The following FCRL3 variants were observed in gnomAD, a reference collection of about 807,000 sequenced individuals.
FCRL3 encodes Fc receptor-like protein 3.
FCRL3 carries 89 observed loss-of-function variants against 75.0 expected under a neutral mutation model. The observed-to-expected ratio is 1.19, with a 90% CI of 1.00 to 1.42. The LOEUF is 1.42. Among genes scored for constraint, FCRL3 ranks in the 40% most tolerant of loss-of-function variants. The pLI, the probability that FCRL3 is intolerant of heterozygous loss-of-function variation, is 0.00. For synonymous variants in FCRL3, 376 were observed against 348.5 expected, an observed-to-expected ratio of 1.08 and a Z score of -0.88; for missense variants, 946 against 880.0, an observed-to-expected ratio of 1.07 and a Z score of -0.95.
At chr1:157,695,942 C>T in intron 7 of FCRL3, 98 bp downstream of exon 7, 1 of 183,126 alleles carries the variant, frequency 5.5e-6, no homozygotes, top group Non-Finnish European at 1.1e-5. Flanking sequence ...CCTCCCCTCC[C>T]TCCCTCCCCG....
Position 157,697,149 on chromosome 1 carries a change from G to T in FCRL3, c.835C>A (p.Arg279Ser), listed in dbSNP as rs77252409. The part of the protein sequence containing the change: ...IKKRSLRSQI[R>S]VQRVPVSNVN... ...CCCCTTAGACACTCACTCTGTACAC[G>T]TATCTGAGATCTCAGGCTCCTTTTT... Residue 279 changes from arginine (R) to serine (S), a missense_variant, in exon 6 of 15, where the codon CGT becomes AGT. Coordinates refer to ENST00000368184, the MANE Select transcript of FCRL3 (RefSeq NM_052939.4). The T allele has an allele frequency of 4.0e-6, 6 of 1,503,366 alleles. No individual in the cohort carries two copies. The Admixed American group carries it at 1.3e-4, about 33-fold the overall frequency. The allele number at this position is 1,503,366 out of a possible 1,614,324, so 93.1% of individuals were successfully genotyped here. A position where few individuals can be genotyped will look rare whatever the true frequency, so the allele number is the denominator to read the frequency against.
At chr1:157,699,537 G>A (rs928802147) in intron 3 of FCRL3, among the ~76,000 whole-genome samples, 155 bp downstream of exon 3, 19 of 151,920 alleles carry the variant, frequency 1.3e-4, no homozygotes, top group Admixed American at 7.2e-4. Context: ...TGAAAAAGTC[G>A]GAGGAGGCTC....
At position 157,680,772 on chromosome 1, in the gene FCRL3, T is replaced by C; in HGVS notation, c.1958-2A>G. The C allele has an allele frequency of 1.2e-6, 2 of 1,613,898 alleles. No homozygotes were observed. The highest frequency in any genetic ancestry group is 8.5e-7 in the Non-Finnish European group (1 of 1,179,782). On this transcript the variant is annotated splice_acceptor_variant, in intron 12 of 14. Coordinates refer to ENST00000368184, the MANE Select transcript of FCRL3 (RefSeq NM_052939.4). LOFTEE classifies it high-confidence loss of function. ...TCGGGTTGCTATCTCCAGGATTTAC[T>C]GTGAGAGAAGATATCATAGTTGGTT... is the stretch of plus-strand genomic sequence containing the variant.
chr1:157,679,349 C>A (rs1654674498), intron 13 of FCRL3, among the ~76,000 whole-genome samples: 1 of 152,172 alleles, frequency 6.6e-6, no homozygotes, highest in Non-Finnish European at 1.5e-5. Context: ...CTGCAGACTT[C>A]TATGGCTGTA....
In FCRL3 at chr1:157,689,452, T is replaced by C. The variant is rs1655372247; in HGVS notation, c.1810+346A>G. On this transcript the variant is annotated intron_variant, in intron 10 of 14. Coordinates refer to ENST00000368184, the MANE Select transcript of FCRL3 (RefSeq NM_052939.4). The stretch of plus-strand genomic sequence containing the variant: ...TACATTTAGCTGGCATTCAAATATA[T>C]CTCGGAGTTTATGGTCACCTCTATG... Among the ~76,000 whole-genome samples the C allele has an allele frequency of 2.0e-5, 3 of 152,250 alleles. No individual in the cohort carries two copies. In the South Asian group the frequency reaches 6.2e-4, roughly 32 times the overall value.
chr1:157,700,294 A>G (rs1656231036), intron 2 of FCRL3, among the ~76,000 whole-genome samples, 165 bp downstream of exon 2: 1 of 152,198 alleles, frequency 6.6e-6, no homozygotes, highest in South Asian at 2.1e-4. Flanking sequence ...TGATGGTTGC[A>G]TTTGGAGCCT....
Position 157,690,378 on chromosome 1 carries a change from G to T in FCRL3, c.1567C>A (p.His523Asn). 1 of 1,614,188 alleles carries T rather than the reference G, an allele frequency of 6.2e-7. No individual in the cohort carries two copies. The highest frequency in any genetic ancestry group is 8.5e-7 in the Non-Finnish European group (1 of 1,180,036). Residue 523 changes from histidine (H) to asparagine (N), a missense_variant, in exon 9 of 15, where the codon CAC (histidine) becomes AAC (asparagine). By Grantham distance (68) the His-to-Asn change is moderately conservative. Coordinates refer to ENST00000368184, the MANE Select transcript of FCRL3 (RefSeq NM_052939.4). The part of the protein sequence containing the change: ...EDDTLGNISA[H>N]SGGGASFNLS... ...TTGAAGGATGCCCCTCCTCCAGAGT[G>T]GGCCGAGATGTTCCCCAAGGTGTCA...
chr1:157,689,939 T>C (rs763851990), intron 9 of FCRL3, 22 bp from the exon 10 acceptor site: 1 of 1,612,430 alleles, frequency 6.2e-7, no homozygotes, highest in East Asian at 2.2e-5. Flanking sequence ...GAGCTGTACT[T>C]GAGTTTCAGT....
chr1:157,690,570 T>A (rs370204859), intron 8 of FCRL3, 37 bp from the exon 9 acceptor site: 2 of 1,607,116 alleles, frequency 1.2e-6, no homozygotes, highest in African/African-American at 2.7e-5. Flanking sequence ...CAGTTTTACT[T>A]AAGTAGGTAT....
chr1:157,683,181 T>C lies in FCRL3; in HGVS notation c.1838+36A>G, dbSNP rs374599000. ...AAGTCTCGTGCATATAAATAAATCA[T>C]GAAAATGTTGGCAGCACAAGAAGCA... is the stretch of plus-strand genomic sequence containing the variant. On this transcript the variant is annotated intron_variant, in intron 11 of 14. Coordinates refer to ENST00000368184, the MANE Select transcript of FCRL3 (RefSeq NM_052939.4). 5 of 1,602,448 alleles carry C rather than the reference T, an allele frequency of 3.1e-6. No individual in the cohort carries two copies. The East Asian group carries it at 6.7e-5, about 22-fold the overall frequency.
Position 157,696,124 on chromosome 1 carries a change from C to T in FCRL3, c.1048G>A (p.Glu350Lys). Reference sequence around the variant, plus strand: ...CAGTAGTATCTCCCTGCATCACTCTCCTTCACGGTGAGAACATGCAGCTCT... The same window carrying T: ...CAGTAGTATCTCCCTGCATCACTCTTCTTCACGGTGAGAACATGCAGCTCT... ...LAELHVLTVK[E>K]SDAGRYYCAA... is the part of the protein sequence containing the mutation. Residue 350 changes from glutamate to lysine, a missense_variant, in exon 7 of 15, where the codon GAG (glutamate) becomes AAG (lysine). Glu to Lys is a moderately conservative substitution (Grantham distance 56). Transcript: ENST00000368184. 6.2e-7 allele frequency: 1 copy of T among 1,613,974 alleles called. No individual in the cohort carries two copies. Among genetic ancestry groups the T allele is most frequent in the Non-Finnish European group, 8.5e-7 (1 of 1,179,992 alleles).
In FCRL3 at chr1:157,696,172, T is replaced by C. The variant is rs1322322894; in HGVS notation, c.1000A>G (p.Lys334Glu). ...KEGRVRSLGR[K>E]TQRSLLAELH... is the part of the protein sequence containing the mutation. ...TCTGCCAACAGGGAACGCTGGGTCT[T>C]TCTACCCAGGCTTCTTACTCTTCCT... Residue 334 changes from lysine (K) to glutamate (E), a missense_variant, in exon 7 of 15, where the codon AAG (lysine) becomes GAG (glutamate). Transcript: ENST00000368184. 5 of 1,613,880 alleles carry C rather than the reference T, an allele frequency of 3.1e-6. No homozygotes were observed. The highest frequency in any genetic ancestry group is 4.2e-6 in the Non-Finnish European group (5 of 1,180,012).
chr1:157,690,382 C>G lies in FCRL3; in HGVS notation c.1563G>C (p.Ser521=), dbSNP rs772982173. 2 of 1,614,148 alleles carry G rather than the reference C, an allele frequency of 1.2e-6. No individual in the cohort carries two copies. The highest frequency in any genetic ancestry group is 1.7e-6 in the Non-Finnish European group (2 of 1,180,036). ...AGGATGCCCCTCCTCCAGAGTGGGC[C>G]GAGATGTTCCCCAAGGTGTCATCCT... The part of the protein sequence containing the change: ...YHEDDTLGNI[S]AHSGGGASFN... The change falls in exon 9 of 15, where the codon TCG becomes TCC. Residue 521 remains serine (S), a synonymous_variant. Coordinates refer to ENST00000368184, the MANE Select transcript of FCRL3 (RefSeq NM_052939.4).
At position 157,697,692 on chromosome 1, in the gene FCRL3, C is replaced by A. The variant is rs1362399865; in HGVS notation, c.526G>T (p.Val176Leu). Residue 176 changes from valine (V) to leucine (L), a missense_variant, in exon 5 of 15, where the codon GTA becomes TTA. Coordinates refer to ENST00000368184, the MANE Select transcript of FCRL3 (RefSeq NM_052939.4). ...TGGATATTTAGGGGTTTTGAAGTTA[C>A]TTCAATGTCAAGTATGTAAAACTTC... ...YRKFYILDIE[V>L]TSKPLNIQVQ... 3.1e-6 allele frequency: 5 copies of A among 1,613,906 alleles called. No individual in the cohort carries two copies. In the Admixed American group the frequency reaches 8.3e-5, roughly 27 times the overall value.
chr1:157,697,085 C>T (rs1312221367), intron 6 of FCRL3, 55 bp downstream of exon 6: 1 of 1,372,552 alleles, frequency 7.3e-7, no homozygotes, highest in African/African-American at 1.5e-5. Context: ...GGAGATATCA[C>T]TGGCCTTCCT....
chr1:157,680,955 C>G (rs1654798862), intron 12 of FCRL3, 26 bp downstream of exon 12: 6 of 1,544,698 alleles, frequency 3.9e-6, no homozygotes, highest in Non-Finnish European at 4.4e-6. Context: ...CTCCCTAGAG[C>G]CTTCTGCCCC....
chr1:157,678,860 G>A lies in FCRL3; in HGVS notation c.2059-4C>T. On this transcript the variant is annotated splice_polypyrimidine_tract_variant and splice_region_variant and intron_variant, in intron 14 of 14. Transcript: ENST00000368184. ...CTGAATAGAGGACTGTAAGTTCCTGGTAGAAAAAAACACAAAAGGTAAGTA... is the reference window on the plus strand; with the variant it reads ...CTGAATAGAGGACTGTAAGTTCCTGATAGAAAAAAACACAAAAGGTAAGTA... 6.2e-7 allele frequency: 1 copy of A among 1,613,920 alleles called. No individual in the cohort carries two copies. Among genetic ancestry groups the A allele is most frequent in the Non-Finnish European group, 8.5e-7 (1 of 1,179,956 alleles).
Position 157,676,869 on chromosome 1 carries a change from A to T in FCRL3, c.*1841T>A, listed in dbSNP as rs1654490230. Reference sequence around the variant, plus strand: ...GGCAAGGTAATTCCAAATCAGCAGCAGGGTTAGAAAGGAGGAGAGCCTCCA... The same window carrying T: ...GGCAAGGTAATTCCAAATCAGCAGCTGGGTTAGAAAGGAGGAGAGCCTCCA... On this transcript the variant is annotated 3_prime_UTR_variant, in exon 15 of 15. Coordinates refer to ENST00000368184, the MANE Select transcript of FCRL3 (RefSeq NM_052939.4). The T allele has an allele frequency of 6.6e-7, 1 of 1,522,374 alleles. No individual in the cohort carries two copies. Among genetic ancestry groups the T allele is most frequent in the East Asian group, 2.5e-5 (1 of 40,486 alleles). The allele number at this position is 1,522,374 out of a possible 1,614,324, so 94.3% of individuals were successfully genotyped here.
rs1182331240 is a variant in FCRL3 at position 157,699,691 on chromosome 1, C to T, written c.52+1G>A. On this transcript the variant is annotated splice_donor_variant, in intron 3 of 14. Coordinates refer to ENST00000368184, the MANE Select transcript of FCRL3 (RefSeq NM_052939.4). LOFTEE classifies it high-confidence loss of function. ...AGGGGCAGAGAGAAGGAGAAACTTA[C>T]CTGATTGTTCTCTTCCAGGAGCTGT... 1.2e-6 allele frequency: 2 copies of T among 1,613,502 alleles called. No homozygotes were observed. The highest frequency in any genetic ancestry group is 1.7e-6 in the Non-Finnish European group (2 of 1,179,798).
Sources: allele counts gnomAD v4.1 joint callset (sites outside exome capture counted in the v4.1 genomes callset), GRCh38; gene constraint gnomAD v4.1.1; transcripts MANE v1.5; gene names NCBI Gene and HGNC (gene_info 2026-07-23, HGNC 2026-07-21).